The following TIMM17A variants were observed in gnomAD, a reference collection of about 807,000 sequenced individuals.
The protein encoded by TIMM17A is translocase of inner mitochondrial membrane 17A.
A neutral mutation model predicts 26.5 loss-of-function variants in TIMM17A; 15 were observed. The ratio of observed to expected loss-of-function variants is 0.57; its 90% confidence interval spans 0.38 to 0.87. The LOEUF (loss-of-function observed/expected upper bound fraction) is 0.87, where lower values mean the gene tolerates loss of function less well. TIMM17A is among the 40% of genes least tolerant of loss of function. The pLI, the probability that TIMM17A is intolerant of heterozygous loss-of-function variation, is 0.00. For synonymous variants in TIMM17A, 80 were observed against 70.8 expected, an observed-to-expected ratio of 1.13 and a Z score of -0.66; for missense variants, 201 against 210.0, an observed-to-expected ratio of 0.96 and a Z score of 0.27.
In TIMM17A at chr1:201,970,606, G is replaced by A. The variant is rs1416135468; in HGVS notation, c.*1052G>A. On this transcript the variant is annotated 3_prime_UTR_variant, in exon 6 of 6. Coordinates refer to ENST00000367287, the MANE Select transcript of TIMM17A (RefSeq NM_006335.3). The stretch of plus-strand genomic sequence containing the variant: ...AGGCATTTAATTACTGATTGTGTTT[G>A]GATAATTTGGGAATTTTCGACTGTG... 6.6e-6 allele frequency: 1 copy of A among 152,106 alleles called. No homozygotes were observed. Among genetic ancestry groups the A allele is most frequent in the Non-Finnish European group, 1.5e-5 (1 of 68,016 alleles). 9.4% of individuals were successfully genotyped at this position (152,106 alleles called of 1,614,324 possible). A position where few individuals can be genotyped will look rare whatever the true frequency, so the allele number is the denominator to read the frequency against.
chr1:201,959,798 C>A (rs750543158), intron 3 of TIMM17A, among the ~76,000 whole-genome samples: 55 of 151,272 alleles, frequency 3.6e-4, no homozygotes, highest in Non-Finnish European at 6.2e-4. Context: ...CACGGTGAAA[C>A]CCCATCTCTA....
chr1:201,965,318 A>T, intron 4 of TIMM17A, 115 bp from the exon 5 acceptor site: 1 of 715,588 alleles, frequency 1.4e-6, no homozygotes, highest in Non-Finnish European at 2.4e-6. Context: ...GGCAATAAGA[A>T]AGAGTTTGGG....
intron 3 of TIMM17A, 145 bp downstream of exon 3, chr1:201,957,719 G>A: frequency 1.7e-6 from 1 of 596,540 alleles, no homozygotes; most frequent in Non-Finnish European, 2.8e-6. Flanking sequence ...GTTTCTTCTT[G>A]ATTTGTAGTT....
chr1:201,963,464 T>C lies in TIMM17A; in HGVS notation c.191-152T>C, dbSNP rs184034065. 6.9e-6 allele frequency: 5 copies of C among 726,372 alleles called. No individual in the cohort carries two copies. The African/African-American group carries it at 7.2e-5, about 11-fold the overall frequency. 45.0% of individuals were successfully genotyped at this position (726,372 alleles called of 1,614,324 possible). A position where few individuals can be genotyped will look rare whatever the true frequency, so the allele number is the denominator to read the frequency against. Reference sequence around the variant, plus strand: ...TTATTCGAAAGATAAGTATTCTAACTCTTGTTCGGTGTTTATTCAAACTTG... The same window carrying C: ...TTATTCGAAAGATAAGTATTCTAACCCTTGTTCGGTGTTTATTCAAACTTG... On this transcript the variant is annotated intron_variant, in intron 3 of 5. Coordinates refer to ENST00000367287, the MANE Select transcript of TIMM17A (RefSeq NM_006335.3).
At chr1:201,964,637 T>C (rs1682592643) in intron 4 of TIMM17A, among the ~76,000 whole-genome samples, 2 of 7,264 alleles carry the variant, frequency 2.8e-4, no homozygotes, top group Non-Finnish European at 6.8e-4. Context: ...TTTTATTTCT[T>C]TTTTTTTTTT....
At chr1:201,966,373 A>G (rs1226668174) in intron 5 of TIMM17A, among the ~76,000 whole-genome samples, 2 of 152,030 alleles carry the variant, frequency 1.3e-5, no homozygotes, top group Non-Finnish European at 2.9e-5. Context: ...AAATGAAACA[A>G]ACAGAAAACT....
chr1:201,956,122 G>A (rs1682405238), intron 1 of TIMM17A, among the ~76,000 whole-genome samples: 1 of 152,104 alleles, frequency 6.6e-6, no homozygotes, highest in African/African-American at 2.4e-5. Context: ...ATTCTTTCTT[G>A]AGGGTAGAGG....
intron 5 of TIMM17A, among the ~76,000 whole-genome samples, chr1:201,967,121 T>C (rs1357893375): frequency 1.3e-5 from 2 of 151,616 alleles, no homozygotes; most frequent in Non-Finnish European, 2.9e-5. Context: ...TTTTGGAGCT[T>C]GGAAAAGATT....
chr1:201,969,009 C>T (rs1682686533), intron 5 of TIMM17A, among the ~76,000 whole-genome samples: 1 of 151,928 alleles, frequency 6.6e-6, no homozygotes, highest in Non-Finnish European at 1.5e-5. Flanking sequence ...GAGCTCATTC[C>T]CTACTTAATT....
At chr1:201,961,335 A>G (rs2102943055) in intron 3 of TIMM17A, among the ~76,000 whole-genome samples, 1 of 152,234 alleles carries the variant, frequency 6.6e-6, no homozygotes, top group African/African-American at 2.4e-5. Flanking sequence ...CCAAAGTGCT[A>G]GGATCACAGG....
At chr1:201,961,347 G>A (rs1682525031) in intron 3 of TIMM17A, among the ~76,000 whole-genome samples, 1 of 152,102 alleles carries the variant, frequency 6.6e-6, no homozygotes, top group Non-Finnish European at 1.5e-5. Flanking sequence ...GATCACAGGC[G>A]TGAGCCATCC....
chr1:201,964,591 G>C (rs1397995855), intron 4 of TIMM17A, among the ~76,000 whole-genome samples: 1 of 144,128 alleles, frequency 6.9e-6, no homozygotes, highest in Admixed American at 6.9e-5. Flanking sequence ...CAGTATGGCT[G>C]TGTTTCAGTA....
At chr1:201,958,398 TTCACTTACAA>T (rs2102941563) in intron 3 of TIMM17A, among the ~76,000 whole-genome samples, 1 of 152,358 alleles carries the variant, frequency 6.6e-6, no homozygotes, top group East Asian at 1.9e-4. Context: ...GTAGGTTATA[TTCACTTACAA>T]AGGTATAGTC....
At chr1:201,966,270 G>A (rs1419384436) in intron 5 of TIMM17A, among the ~76,000 whole-genome samples, 1 of 152,076 alleles carries the variant, frequency 6.6e-6, no homozygotes, top group Non-Finnish European at 1.5e-5. Flanking sequence ...CAGGAGGCAC[G>A]AGAATCAGTT....
chr1:201,961,940 C>T (rs1369605230), intron 3 of TIMM17A, among the ~76,000 whole-genome samples: 1 of 152,086 alleles, frequency 6.6e-6, no homozygotes, highest in East Asian at 1.9e-4. Context: ...GAGAATCTCT[C>T]TCTTGCTTAG....
intron 5 of TIMM17A, among the ~76,000 whole-genome samples, chr1:201,967,060 C>T (rs1341913292): frequency 1.4e-5 from 2 of 142,254 alleles, no homozygotes; most frequent in Admixed American, 1.5e-4. Flanking sequence ...TTTGACCTGG[C>T]ATTTGGGAAG....
intron 3 of TIMM17A, chr1:201,962,830 G>A (rs749444517): frequency 3.9e-5 from 6 of 152,096 alleles, no homozygotes; most frequent in South Asian, 2.1e-4. Context: ...CCTGTAATAC[G>A]TTCCAGAATA....
chr1:201,965,529 C>T lies in TIMM17A; in HGVS notation c.416C>T (p.Ala139Val). The T allele has an allele frequency of 6.2e-7, 1 of 1,609,724 alleles. No individual in the cohort carries two copies. Among genetic ancestry groups the T allele is most frequent in the Non-Finnish European group, 8.5e-7 (1 of 1,175,986 alleles). ...ATCTTGTTGACAAGATTTGCCTCTG[C>T]ACAGTTTCCCAATGGTGAGTCTTTT... The part of the protein sequence containing the change: ...AGILLTRFAS[A>V]QFPNGPQFAE... The change falls in exon 5 of 6, where the codon GCA (alanine) becomes GTA (valine). Residue 139 changes from alanine to valine, a missense_variant. Ala to Val is a moderately conservative substitution (Grantham distance 64). Transcript: ENST00000367287.
intron 5 of TIMM17A, among the ~76,000 whole-genome samples, chr1:201,969,077 T>C (rs1053605650): frequency 1.3e-5 from 2 of 152,204 alleles, no homozygotes; most frequent in African/African-American, 4.8e-5. Flanking sequence ...ACTTATACTT[T>C]GTGAAAATAA....
Sources: gnomAD v4.1 joint callset for allele counts (sites outside exome capture counted in the v4.1 genomes callset) on GRCh38, gnomAD v4.1.1 for gene constraint, MANE v1.5 for transcripts, NCBI Gene and HGNC (gene_info 2026-07-23, HGNC 2026-07-21) for gene names.